The following ELMO1 variants were observed in gnomAD, a reference collection of about 807,000 sequenced individuals.
ELMO1 encodes engulfment and cell motility 1.
In ELMO1, 26 loss-of-function variants were observed where a neutral mutation model predicts 98.9. The ratio of observed to expected loss-of-function variants is 0.26; its 90% CI spans 0.19 to 0.36. ELMO1 has a LOEUF of 0.36. Ranked by LOEUF, ELMO1 falls within the 10% of genes least tolerant of loss-of-function variation. The pLI is 1.00. For missense variants in ELMO1, 627 were observed against 935.2 expected, an observed-to-expected ratio of 0.67 and a Z score of 4.30; for synonymous variants, 346 against 346.0, an observed-to-expected ratio of 1.00 and a Z score of 0.00.
intron 4 of ELMO1, among the ~76,000 whole-genome samples, chr7:37,294,742 G>A (rs113828781): frequency 0.015 from 2,236 of 152,328 alleles, 48 homozygotes; most frequent in East Asian, 0.098. Flanking sequence ...GCTCACGCCT[G>A]TAATCCCAAC....
intron 16 of ELMO1, among the ~76,000 whole-genome samples, chr7:36,988,694 G>A (rs1400174443): frequency 1.3e-5 from 2 of 152,094 alleles, no homozygotes; most frequent in Admixed American, 1.3e-4. Flanking sequence ...GAGGGGAAGA[G>A]TGACCCAAAC....
intron 14 of ELMO1, among the ~76,000 whole-genome samples, chr7:37,111,905 A>G (rs1785272546): frequency 1.3e-5 from 2 of 152,214 alleles, no homozygotes; most frequent in Admixed American, 1.3e-4. Context: ...ATGTCTGCTC[A>G]TGGAACATAT....
At chr7:37,390,248 A>G (rs1212890834) in intron 1 of ELMO1, among the ~76,000 whole-genome samples, 3 of 152,230 alleles carry the variant, frequency 2.0e-5, no homozygotes, top group Non-Finnish European at 4.4e-5. Flanking sequence ...ACTGAGCAGG[A>G]ACCCAAGAAG....
chr7:37,166,187 C>T (rs1325053904), intron 13 of ELMO1, among the ~76,000 whole-genome samples: 1 of 151,942 alleles, frequency 6.6e-6, no homozygotes, highest in East Asian at 1.9e-4. Flanking sequence ...TGGTGATATC[C>T]CCTTTATCAT....
At chr7:37,322,672 G>A (rs560464956) in intron 2 of ELMO1, among the ~76,000 whole-genome samples, 8 of 151,602 alleles carry the variant, frequency 5.3e-5, no homozygotes, top group South Asian at 2.1e-4. Flanking sequence ...GCACGGTGGC[G>A]TGTGCCTATA....
intron 16 of ELMO1, among the ~76,000 whole-genome samples, chr7:36,971,930 T>C (rs185455189): frequency 3.6e-4 from 55 of 152,270 alleles, no homozygotes; most frequent in African/African-American, 1.3e-3. Context: ...CTAACATTTG[T>C]AAGGTAATTT....
At chr7:37,322,741 C>T (rs1799588264) in intron 2 of ELMO1, among the ~76,000 whole-genome samples, 1 of 151,634 alleles carries the variant, frequency 6.6e-6, no homozygotes, top group African/African-American at 2.4e-5. Context: ...AAGCAGAGGT[C>T]GCAGTGAGCC....
At chr7:36,983,798 C>T (rs1488040789) in intron 16 of ELMO1, among the ~76,000 whole-genome samples, 1 of 152,096 alleles carries the variant, frequency 6.6e-6, no homozygotes, top group Non-Finnish European at 1.5e-5. Flanking sequence ...CTTGGCTATT[C>T]CCCCAGGACA....
intron 2 of ELMO1, among the ~76,000 whole-genome samples, chr7:37,330,011 CCCCTGCTTAGAAATCTT>C (rs1800017901): frequency 1.3e-5 from 2 of 152,206 alleles, no homozygotes; most frequent in South Asian, 4.1e-4. Flanking sequence ...CCACGTCACT[CCCCTGCTTAGAAATCTT>C]CCATTTTCTA....
chr7:37,188,377 C>T (rs917331354), intron 13 of ELMO1, among the ~76,000 whole-genome samples: 2 of 147,324 alleles, frequency 1.4e-5, no homozygotes, highest in Non-Finnish European at 1.5e-5. Flanking sequence ...AAAGTGGGGG[C>T]TAGTGCTTAA....
At chr7:36,924,740 G>A (rs1424278448) in intron 16 of ELMO1, among the ~76,000 whole-genome samples, 3 of 152,150 alleles carry the variant, frequency 2.0e-5, no homozygotes, top group Non-Finnish European at 4.4e-5. Context: ...AGAGAACGGA[G>A]GGGAACAGCA....
At chr7:37,031,309 T>G (rs1352077784) in intron 15 of ELMO1, among the ~76,000 whole-genome samples, 2 of 152,190 alleles carry the variant, frequency 1.3e-5, no homozygotes, top group Non-Finnish European at 2.9e-5. Flanking sequence ...TGAGATGGTT[T>G]CTGGGTCAGC....
intron 15 of ELMO1, among the ~76,000 whole-genome samples, chr7:37,071,343 C>T (rs938084329): frequency 1.7e-4 from 26 of 152,010 alleles, no homozygotes; most frequent in African/African-American, 5.8e-4. Context: ...CCACCTCCAC[C>T]CCTACACATT....
chr7:36,855,226 A>C lies in ELMO1; in HGVS notation c.*325T>G. On this transcript the variant is annotated 3_prime_UTR_variant, in exon 22 of 22. Transcript: ENST00000310758. The surrounding 1 kb of genome is among the most constrained non-coding windows in gnomAD (Gnocchi z 4.2). The stretch of plus-strand genomic sequence containing the variant: ...GGCTGCTGGCTTTCCTGCCCAAGGG[A>C]AGGAAGGGCATGCCTGCAGAGGGCT... 1 of 340,504 alleles carries C rather than the reference A, an allele frequency of 2.9e-6. No homozygotes were observed. Among genetic ancestry groups the C allele is most frequent in the Admixed American group, 4.4e-5 (1 of 22,572 alleles). 21.1% of individuals were successfully genotyped at this position (340,504 alleles called of 1,614,324 possible). A position where few individuals can be genotyped will look rare whatever the true frequency, so the allele number is the denominator to read the frequency against.
intron 16 of ELMO1, among the ~76,000 whole-genome samples, chr7:36,909,496 A>T (rs1411572475): frequency 2.0e-5 from 3 of 152,272 alleles, no homozygotes; most frequent in African/African-American, 4.8e-5. Context: ...GAAGCTAAAA[A>T]GCGATCAAAG....
At chr7:36,891,650 G>C (rs1554349610) in intron 17 of ELMO1, among the ~76,000 whole-genome samples, 2 of 152,204 alleles carry the variant, frequency 1.3e-5, no homozygotes, top group Non-Finnish European at 2.9e-5. Context: ...CCAGGCATAT[G>C]AAAAGTGCTT....
chr7:36,978,879 TAGTA>T (rs1790806201), intron 16 of ELMO1, among the ~76,000 whole-genome samples: 4 of 152,210 alleles, frequency 2.6e-5, no homozygotes, highest in Non-Finnish European at 4.4e-5. Context: ...TGAAGCATAA[TAGTA>T]AGCCCTTATT....
At chr7:37,271,169 G>A (rs1269014318) in intron 5 of ELMO1, 1 of 152,494 alleles carries the variant, frequency 6.6e-6, no homozygotes, top group Non-Finnish European at 1.5e-5. Context: ...TTGATCTCCT[G>A]ACCTCCTGAT....
chr7:36,884,422 TATA>T (rs1173418665), intron 18 of ELMO1, among the ~76,000 whole-genome samples: 1 of 152,206 alleles, frequency 6.6e-6, no homozygotes, highest in African/African-American at 2.4e-5. Context: ...GCTATAGATG[TATA>T]ATTTTACTTA....
Sources: allele counts gnomAD v4.1 joint callset (sites outside exome capture counted in the v4.1 genomes callset), GRCh38; gene constraint gnomAD v4.1.1; non-coding constraint Gnocchi (gnomAD v3.1); transcripts MANE v1.5; gene names NCBI Gene and HGNC (gene_info 2026-07-23, HGNC 2026-07-21).